Variants in B4GALNT2 observed in about 807,000 individuals in gnomAD.
The protein encoded by B4GALNT2 is beta-1,4-N-acetyl-galactosaminyltransferase 2 (SID blood group).
In B4GALNT2, 42 loss-of-function variants were observed where a neutral mutation model predicts 51.1. The ratio of observed to expected loss-of-function variants is 0.82; its 90% CI spans 0.64 to 1.06. B4GALNT2 has a LOEUF of 1.06. Ranked by LOEUF, B4GALNT2 falls within the 50% of genes least tolerant of loss-of-function variation. The pLI is 0.00. For missense variants in B4GALNT2, 602 were observed against 633.6 expected (o/e 0.95, Z 0.54); for synonymous variants, 253 against 251.7 (o/e 1.01, Z -0.05).
Position 49,141,227 on chromosome 17 carries a change from G to A in B4GALNT2, c.15-20G>A. ...AAGAAAAAAGATTTTAACATAATCTGTTCTTTTGTGTCCCAACAGCTCGAG... is the reference window on the plus strand; with the variant it reads ...AAGAAAAAAGATTTTAACATAATCTATTCTTTTGTGTCCCAACAGCTCGAG... On this transcript the variant is annotated intron_variant, in intron 1 of 10. Coordinates refer to ENST00000393354, the MANE Select transcript of B4GALNT2 (RefSeq NM_001159387.2). The A allele has an allele frequency of 1.2e-6, 2 of 1,602,786 alleles. No individual in the cohort carries two copies. The highest frequency in any genetic ancestry group is 1.7e-6 in the Non-Finnish European group (2 of 1,169,778).
intron 3 of B4GALNT2, 79 bp downstream of exon 3, chr17:49,142,251 G>A: frequency 2.6e-6 from 4 of 1,554,922 alleles, no homozygotes; most frequent in Admixed American, 1.8e-5. Flanking sequence ...TGAATCTTAA[G>A]AGAAAAAGCA....
upstream of B4GALNT2, chr17:49,132,485 G>A (rs1351179244): frequency 1.7e-5 from 6 of 354,630 alleles, no homozygotes; most frequent in East Asian, 2.5e-4. Context: ...GAGGGCACGG[G>A]GACACAGCAT....
At chr17:49,137,659 A>G (rs1353545100) in intron 1 of B4GALNT2, among the ~76,000 whole-genome samples, 1 of 152,188 alleles carries the variant, frequency 6.6e-6, no homozygotes, top group Non-Finnish European at 1.5e-5. Flanking sequence ...ATTAAAATGT[A>G]TGTTCTACAT....
At chr17:49,145,003 T>A (rs1334242044) in intron 3 of B4GALNT2, among the ~76,000 whole-genome samples, 1 of 152,162 alleles carries the variant, frequency 6.6e-6, no homozygotes, top group Non-Finnish European at 1.5e-5. Flanking sequence ...GTCTGCTTTA[T>A]ATTCGATGGC....
chr17:49,136,044 C>G (rs2042587036), intron 1 of B4GALNT2, among the ~76,000 whole-genome samples: 1 of 149,498 alleles, frequency 6.7e-6, no homozygotes, highest in African/African-American at 2.5e-5. Flanking sequence ...GATCACGCCA[C>G]TGCACTCCAG....
chr17:49,151,581 A>C (rs2042754381), intron 3 of B4GALNT2, among the ~76,000 whole-genome samples: 1 of 152,088 alleles, frequency 6.6e-6, no homozygotes, highest in Non-Finnish European at 1.5e-5. Context: ...CCCCGTCTCT[A>C]CTAAAAATAC....
intron 3 of B4GALNT2, among the ~76,000 whole-genome samples, chr17:49,152,170 G>T (rs994568668): frequency 6.6e-6 from 1 of 151,674 alleles, no homozygotes; most frequent in African/African-American, 2.4e-5. Flanking sequence ...TGAGCCCAGC[G>T]GTTGGAGACC....
chr17:49,136,968 A>T (rs899447819), intron 1 of B4GALNT2, among the ~76,000 whole-genome samples: 8 of 152,192 alleles, frequency 5.3e-5, no homozygotes, highest in Admixed American at 4.6e-4. Flanking sequence ...TCAATTACAT[A>T]GTAAAACAAA....
intron 9 of B4GALNT2, among the ~76,000 whole-genome samples, chr17:49,168,034 T>C (rs901754074): frequency 2.0e-5 from 3 of 152,156 alleles, no homozygotes; most frequent in South Asian, 2.1e-4. Flanking sequence ...ACTAGTTGAC[T>C]ATGTCGTGAA....
chr17:49,164,304 T>A (rs774413425), intron 8 of B4GALNT2, 29 bp downstream of exon 8: 1 of 1,584,604 alleles, frequency 6.3e-7, no homozygotes, highest in Non-Finnish European at 8.7e-7. Context: ...GGGTGGCACC[T>A]GCATTCCAGG....
the B4GALNT2 span, among the ~76,000 whole-genome samples, chr17:49,125,983 C>A: frequency 5.3e-5 from 8 of 151,134 alleles, no homozygotes; most frequent in Non-Finnish European, 8.9e-5. Flanking sequence ...CCGGCCGCCA[C>A]CCCGTCTGGG....
chr17:49,164,540 C>T (rs71379337), intron 8 of B4GALNT2, among the ~76,000 whole-genome samples: 2,046 of 146,678 alleles, frequency 0.014, 24 homozygotes, highest in Admixed American at 0.022. Context: ...CTTGCTCTGT[C>T]GCTCAGGCTG....
At chr17:49,154,833 T>A (rs1209999878) in intron 4 of B4GALNT2, among the ~76,000 whole-genome samples, 1 of 150,952 alleles carries the variant, frequency 6.6e-6, no homozygotes, top group Non-Finnish European at 1.5e-5. Context: ...GAGATGAGAG[T>A]TTAGTAAGTT....
upstream of B4GALNT2, among the ~76,000 whole-genome samples, chr17:49,130,312 T>A (rs553580409): frequency 2.0e-5 from 3 of 152,356 alleles, no homozygotes; most frequent in East Asian, 5.8e-4. Context: ...CGAATCTGCC[T>A]GGTTAACCCC....
At chr17:49,137,751 C>G (rs140051884) in intron 1 of B4GALNT2, among the ~76,000 whole-genome samples, 199 of 152,250 alleles carry the variant, frequency 1.3e-3, no homozygotes, top group African/African-American at 4.6e-3. Context: ...AACAGGGAGG[C>G]CCCTGTTAAG....
rs995584111 is a variant in B4GALNT2, at chr17:49,173,307, T to G, written c.*3579T>G. On this transcript the variant is annotated 3_prime_UTR_variant, in exon 11 of 11. Transcript: ENST00000393354. ...ATGTATGAAGAATCAGAAATCACAT[T>G]GATAGGCCTATTAAAAGCAGTCAAT... is the stretch of plus-strand genomic sequence containing the variant. 6.6e-6 allele frequency: 1 copy of G among 152,246 alleles called. No individual in the cohort carries two copies. Among genetic ancestry groups the G allele is most frequent in the Non-Finnish European group, 1.5e-5 (1 of 68,054 alleles). 9.4% of individuals were successfully genotyped at this position (152,246 alleles called of 1,614,324 possible).
At chr17:49,130,377 C>T, upstream of B4GALNT2, among the ~76,000 whole-genome samples, 1 of 152,228 alleles carries the variant, frequency 6.6e-6, no homozygotes, top group Non-Finnish European at 1.5e-5. Context: ...GTGGCTAATG[C>T]CTGTAATCCC....
intron 3 of B4GALNT2, 71 bp from the exon 4 acceptor site, chr17:49,152,729 G>T (rs1018562675): frequency 9.1e-7 from 1 of 1,096,076 alleles, no homozygotes. Flanking sequence ...CTGTGCACAG[G>T]CACCACTTTG....
chr17:49,161,762 C>T (rs1300312183), intron 7 of B4GALNT2, among the ~76,000 whole-genome samples: 1 of 151,106 alleles, frequency 6.6e-6, no homozygotes, highest in Non-Finnish European at 1.5e-5. Flanking sequence ...GAGGCTGAGG[C>T]AGGAGTATCA....
Sources: allele counts gnomAD v4.1 joint callset (sites outside exome capture counted in the v4.1 genomes callset), GRCh38; gene constraint gnomAD v4.1.1; transcripts MANE v1.5; gene names NCBI Gene and HGNC (gene_info 2026-07-23, HGNC 2026-07-21).